DOCK6: variants seen among roughly 807,000 people sequenced by gnomAD.
DOCK6 encodes dedicator of cytokinesis 6, also known as dedicator of cytokinesis protein 6.
In DOCK6, 167 loss-of-function variants were observed where a neutral mutation model predicts 230.3. The observed-to-expected ratio is 0.73, with a 90% CI of 0.64 to 0.82. The LOEUF is 0.82. Among genes scored for constraint, DOCK6 ranks in the 40% least tolerant of loss-of-function variants. DOCK6 has a pLI of 0.00. For missense variants in DOCK6, 2,598 were observed against 2,825.8 expected, an observed-to-expected ratio of 0.92 and a Z score of 1.83; for synonymous variants, 1,148 against 1,185.0, an observed-to-expected ratio of 0.97 and a Z score of 0.64.
intron 22 of DOCK6, among the ~76,000 whole-genome samples, chr19:11,231,998 CA>C (rs1422900920): frequency 6.6e-6 from 1 of 152,114 alleles, no homozygotes; most frequent in Non-Finnish European, 1.5e-5. Flanking sequence ...TATGTGGCAG[CA>C]AAAAGCCAGT....
intron 14 of DOCK6, chr19:11,239,470 C>T (rs549975694): frequency 5.0e-5 from 42 of 837,464 alleles, no homozygotes; most frequent in Admixed American, 3.8e-4. Flanking sequence ...GTGATCCCGG[C>T]GTGGCCTAGC....
At chr19:11,242,275 G>A (rs2079959682) in intron 13 of DOCK6, 68 bp from the exon 14 acceptor site, 2 of 1,350,452 alleles carry the variant, frequency 1.5e-6, no homozygotes, top group Admixed American at 3.6e-5. Context: ...TTTCTGGGCT[G>A]TGTAGTCAGG....
At chr19:11,229,077 C>A in intron 22 of DOCK6, 42 bp from the exon 23 acceptor site, 1 of 1,572,772 alleles carries the variant, frequency 6.4e-7, no homozygotes, top group East Asian at 2.3e-5. Flanking sequence ...AGGTGCCACC[C>A]CTTCCCGTAC....
At chr19:11,242,460 C>T (rs1432135991) in intron 13 of DOCK6, among the ~76,000 whole-genome samples, 4 of 152,004 alleles carry the variant, frequency 2.6e-5, no homozygotes, top group African/African-American at 7.3e-5. Context: ...GGGGCGATCT[C>T]GGCTCACTGC....
chr19:11,227,189 A>G, intron 24 of DOCK6, 148 bp downstream of exon 24: 1 of 1,141,078 alleles, frequency 8.8e-7, no homozygotes, highest in Non-Finnish European at 1.2e-6. Context: ...GGCACTTAAG[A>G]AACAGACAAT....
At chr19:11,219,871 A>G (rs2079554516) in intron 28 of DOCK6, among the ~76,000 whole-genome samples, 1 of 152,148 alleles carries the variant, frequency 6.6e-6, no homozygotes, top group Non-Finnish European at 1.5e-5. Flanking sequence ...TTATGGACGA[A>G]GAAATTGAGG....
At chr19:11,237,103 AAT>A in intron 18 of DOCK6, 1 of 595,596 alleles carries the variant, frequency 1.7e-6, no homozygotes, top group Non-Finnish European at 3.0e-6. Flanking sequence ...ACACAGGGTG[AAT>A]GAATATTCAT....
Position 11,222,780 on chromosome 19 carries a change from T to G in DOCK6, c.3195A>C (p.Ser1065=), listed in dbSNP as rs1599230953. The G allele has an allele frequency of 6.3e-7, 1 of 1,581,732 alleles. No individual in the cohort carries two copies. ...VTLNLPCCPL[S]PPASPSPSVS... ...CAGAGGGGGAGGGCGAGGCTGGAGG[T>G]GACAGGGGGCAGCAGGGGAGGTTGA... is the stretch of plus-strand genomic sequence containing the variant. Residue 1065 remains serine, a synonymous_variant, in exon 26 of 48, where the codon TCA becomes TCC. Transcript: ENST00000294618. This position sits in a 1 kb window ranked among gnomAD's most constrained non-coding sequence, Gnocchi z 4.0.
Position 11,202,347 on chromosome 19 carries a change from G to C in DOCK6, c.5451+47C>G. On this transcript the variant is annotated intron_variant, in intron 43 of 47. Transcript: ENST00000294618. The surrounding 1 kb of genome is among the most constrained non-coding windows in gnomAD (Gnocchi z 5.3). ...GAGGGTCCCCAGGAAACAGCACTTG[G>C]AGTCTCTGTGAATCTAAGATTTTGG... 2 of 1,589,048 alleles carry C rather than the reference G, an allele frequency of 1.3e-6. No individual in the cohort carries two copies. The highest frequency in any genetic ancestry group is 1.7e-6 in the Non-Finnish European group (2 of 1,165,646).
chr19:11,215,979 G>T, intron 30 of DOCK6, 52 bp from the exon 31 acceptor site: 1 of 1,608,082 alleles, frequency 6.2e-7, no homozygotes, highest in Non-Finnish European at 8.5e-7. Context: ...TTTTCGGGGG[G>T]ACCTGGGCTG....
intron 24 of DOCK6, 87 bp downstream of exon 24, chr19:11,227,250 G>A: frequency 6.5e-7 from 1 of 1,546,460 alleles, no homozygotes; most frequent in Non-Finnish European, 8.8e-7. Flanking sequence ...ACGGCCAGGA[G>A]ACACTGGGCA....
chr19:11,245,809 T>C lies in DOCK6; in HGVS notation c.873+3A>G. 6.3e-7 allele frequency: 1 copy of C among 1,578,550 alleles called. No individual in the cohort carries two copies. The highest frequency in any genetic ancestry group is 1.2e-5 in the South Asian group (1 of 86,274). On this transcript the variant is annotated splice_donor_region_variant and intron_variant, in intron 8 of 47. Coordinates refer to ENST00000294618, the MANE Select transcript of DOCK6 (RefSeq NM_020812.4). ...GGAGGAAAGAGAAAAAAGGGCCTCC[T>C]ACCTTCTTTTTCTCCCGCACATCAT... is the stretch of plus-strand genomic sequence containing the variant.
intron 6 of DOCK6, 74 bp downstream of exon 6, chr19:11,250,800 A>G: frequency 4.2e-6 from 6 of 1,431,506 alleles, no homozygotes; most frequent in Non-Finnish European, 5.7e-6. Flanking sequence ...TATAGAAGCT[A>G]TTGAATAAAC....
chr19:11,215,725 C>G, intron 31 of DOCK6, 76 bp downstream of exon 31: 1 of 1,602,964 alleles, frequency 6.2e-7, no homozygotes, highest in Non-Finnish European at 8.5e-7. Context: ...AGGGATGGCC[C>G]CCTTCATGGG....
chr19:11,211,926 G>A (rs898402478), intron 36 of DOCK6, 50 bp from the exon 37 acceptor site: 23 of 1,571,042 alleles, frequency 1.5e-5, no homozygotes, highest in Non-Finnish European at 1.9e-5. Context: ...GGAAGTGAAG[G>A]GAGCCAAGGT....
intron 39 of DOCK6, among the ~76,000 whole-genome samples, chr19:11,204,576 A>G (rs1031079148): frequency 2.0e-5 from 3 of 151,818 alleles, no homozygotes; most frequent in African/African-American, 7.3e-5. Context: ...GTCTCACTCC[A>G]TCACCCAGGC....
In DOCK6 at chr19:11,247,753, TG is replaced by T. The variant is rs1215539922; in HGVS notation, c.806+312del. On this transcript the variant is annotated intron_variant, in intron 7 of 47. Transcript: ENST00000294618. Reference sequence around the variant, plus strand: ...TCCAGCCTTACAAGTTGTATGGTCTTGGCGTCATGTCACCACTCTGTGCCTC... The same window carrying T: ...TCCAGCCTTACAAGTTGTATGGTCTTGCGTCATGTCACCACTCTGTGCCTC... The T allele has an allele frequency of 1.8e-4, 48 of 267,622 alleles. No individual in the cohort carries two copies. In the East Asian group the frequency reaches 3.3e-3, roughly 18 times the overall value. 16.6% of individuals were successfully genotyped at this position (267,622 alleles called of 1,614,324 possible).
chr19:11,237,193 G>A, intron 18 of DOCK6: 1 of 594,622 alleles, frequency 1.7e-6, no homozygotes, highest in Non-Finnish European at 3.0e-6. Context: ...GGAATGATAA[G>A]GTACTACGAG....
intron 23 of DOCK6, among the ~76,000 whole-genome samples, chr19:11,228,629 G>C (rs1230700496): frequency 2.2e-5 from 3 of 138,348 alleles, no homozygotes; most frequent in African/African-American, 8.0e-5. Flanking sequence ...GCACGATCTC[G>C]GCTCACTGCA....
Sources: allele counts gnomAD v4.1 joint callset (sites outside exome capture counted in the v4.1 genomes callset), GRCh38; gene constraint gnomAD v4.1.1; non-coding constraint Gnocchi (gnomAD v3.1); transcripts MANE v1.5; gene names NCBI Gene and HGNC (gene_info 2026-07-23, HGNC 2026-07-21).